The following ATP5PF variants were observed in gnomAD, a reference collection of about 807,000 sequenced individuals.
ATP5PF encodes the protein ATP synthase peripheral stalk subunit F6, mitochondrial.
In ATP5PF, 7 loss-of-function variants were observed where a neutral mutation model predicts 12.0. That is an observed-to-expected ratio of 0.58 (90% CI 0.33 to 1.10). The LOEUF is 1.10. Ranked by LOEUF, ATP5PF falls within the 50% of genes least tolerant of loss-of-function variation. The pLI, the probability that ATP5PF is intolerant of heterozygous loss-of-function variation, is 0.03. For missense variants in ATP5PF, 120 were observed against 127.7 expected (o/e 0.94, Z 0.29); for synonymous variants, 41 against 45.4 (o/e 0.90, Z 0.39).
upstream of ATP5PF, chr21:25,735,185 G>C (rs1165219004): frequency 1.7e-6 from 1 of 602,844 alleles, no homozygotes; most frequent in Non-Finnish European, 3.0e-6. Context: ...TCTTTGAGTG[G>C]CCTTTCCCCT....
At position 25,729,862 on chromosome 21, in the gene ATP5PF, T is replaced by C. The variant is rs73897043; in HGVS notation, c.-7-61A>G. The C allele has an allele frequency of 6.8e-3, 10,359 of 1,514,470 alleles. 462 individuals are homozygous for C. In the African/African-American group the frequency reaches 0.11, roughly 16 times the overall value. 93.8% of individuals were successfully genotyped at this position (1,514,470 alleles called of 1,614,324 possible). A position where few individuals can be genotyped will look rare whatever the true frequency, so the allele number is the denominator to read the frequency against. On this transcript the variant is annotated intron_variant, in intron 1 of 3. Transcript: ENST00000284971. ...ACTTATTATAAATCACCTCTAAATA[T>C]ATCATGAGAATCAAATTCTACTAAT...
intron 1 of ATP5PF, chr21:25,734,494 G>T: frequency 1.4e-6 from 1 of 706,284 alleles, no homozygotes; most frequent in Non-Finnish European, 1.8e-6. Flanking sequence ...TTCTGCCTAA[G>T]TAGCCTAGAC....
chr21:25,726,229 T>C (rs888003299), intron 2 of ATP5PF, among the ~76,000 whole-genome samples: 2 of 152,248 alleles, frequency 1.3e-5, no homozygotes, highest in African/African-American at 4.8e-5. Flanking sequence ...CTTTTAAGTT[T>C]CTACCATAGG....
upstream of ATP5PF, chr21:25,734,931 A>G (rs1568933283): frequency 1.3e-6 from 2 of 1,572,262 alleles, no homozygotes; most frequent in East Asian, 2.3e-5. Flanking sequence ...CCGCCCCCAC[A>G]CGCCTACCCG....
At chr21:25,730,364 C>T (rs985388013) in intron 1 of ATP5PF, among the ~76,000 whole-genome samples, 9 of 152,164 alleles carry the variant, frequency 5.9e-5, no homozygotes, top group Non-Finnish European at 1.0e-4. Flanking sequence ...CTGTGCATGA[C>T]AGTGGGGAGG....
At chr21:25,733,964 G>A (rs895517003) in intron 1 of ATP5PF, among the ~76,000 whole-genome samples, 1 of 152,068 alleles carries the variant, frequency 6.6e-6, no homozygotes, top group Non-Finnish European at 1.5e-5. Flanking sequence ...TATTCATCCT[G>A]AGCCCCAAAT....
intron 1 of ATP5PF, among the ~76,000 whole-genome samples, chr21:25,732,109 G>T (rs1024824749): frequency 1.3e-5 from 2 of 152,192 alleles, no homozygotes; most frequent in Admixed American, 1.3e-4. Flanking sequence ...TCAAAATAGG[G>T]TTGGGGGTGG....
chr21:25,725,973 G>A (rs2034608602), intron 2 of ATP5PF, among the ~76,000 whole-genome samples: 1 of 152,182 alleles, frequency 6.6e-6, no homozygotes, highest in East Asian at 1.9e-4. Flanking sequence ...ACAGGCTCTG[G>A]AGTCAAAGAC....
In ATP5PF at chr21:25,725,234, T is replaced by G. The variant is rs1279645287; in HGVS notation, c.281A>C (p.Lys94Thr). The change falls in exon 3 of 4, where the codon AAA (lysine) becomes ACA (threonine). Residue 94 changes from lysine to threonine, a missense_variant. Lys to Thr is a moderately conservative substitution (Grantham distance 78, BLOSUM62 -1). Transcript: ENST00000284971. ...NADMNTFPTF[K>T]FEDPKFEVIE... ...TGATTTATAAGACGTACCTTCAAAT[T>G]TGAAGGTGGGAAATGTATTCATGTC... is the stretch of plus-strand genomic sequence containing the variant. The G allele has an allele frequency of 6.2e-7, 1 of 1,606,104 alleles. No individual in the cohort carries two copies. Among genetic ancestry groups the G allele is most frequent in the Non-Finnish European group, 8.5e-7 (1 of 1,178,284 alleles).
chr21:25,735,622 G>T (rs2123473052), upstream of ATP5PF: 1 of 152,574 alleles, frequency 6.6e-6, no homozygotes, highest in East Asian at 1.9e-4. Flanking sequence ...GGCCCTCGCG[G>T]GCCGGCCTCG....
intron 1 of ATP5PF, among the ~76,000 whole-genome samples, 172 bp from the exon 2 acceptor site, chr21:25,729,973 A>T (rs2034717203): frequency 1.3e-5 from 2 of 152,190 alleles, no homozygotes; most frequent in Admixed American, 1.3e-4. Context: ...CAAGTTTTTT[A>T]GGTCTTAACC....
rs1415291165 is a variant in ATP5PF at position 25,729,675 on chromosome 21, C to T, written c.120G>A (p.Gln40=). ...VAFNKELDPI[Q]KLFVDKIREY... Reference sequence around the variant, plus strand: ...CTCTAATCTTGTCCACAAAGAGTTTCTGTATAGGATCAAGTTCCTTATTAA... The same window carrying T: ...CTCTAATCTTGTCCACAAAGAGTTTTTGTATAGGATCAAGTTCCTTATTAA... Residue 40 remains glutamine, a synonymous_variant, in exon 2 of 4, where the codon CAG becomes CAA. Coordinates refer to ENST00000284971, the MANE Select transcript of ATP5PF (RefSeq NM_001003703.2). 6.8e-6 allele frequency: 11 copies of T among 1,608,550 alleles called. No homozygotes were observed. The highest frequency in any genetic ancestry group is 4.2e-6 in the Non-Finnish European group (5 of 1,177,346).
At chr21:25,734,979 C>G, upstream of ATP5PF, 2 of 1,560,330 alleles carry the variant, frequency 1.3e-6, no homozygotes, top group Non-Finnish European at 1.7e-6. Context: ...TTCAGTCGGT[C>G]GACGCTCACC....
At chr21:25,734,600 C>T (rs2123465771) in intron 1 of ATP5PF, 1 of 424,050 alleles carries the variant, frequency 2.4e-6, no homozygotes, top group South Asian at 4.9e-5. Context: ...CCGAGACCCC[C>T]GGGCCTCCCT....
At chr21:25,734,804 G>T (rs2034956288) in intron 1 of ATP5PF, 49 bp downstream of exon 1, 1 of 1,509,232 alleles carries the variant, frequency 6.6e-7, no homozygotes, top group African/African-American at 1.4e-5. Context: ...AAAAAACCCA[G>T]AACTGGAGTC....
intron 1 of ATP5PF, 128 bp downstream of exon 1, chr21:25,734,725 G>A: frequency 4.2e-6 from 4 of 958,892 alleles, no homozygotes; most frequent in South Asian, 1.7e-5. Flanking sequence ...GGGCCAGGCC[G>A]TGAAGGTCCC....
rs563116179 is a variant in ATP5PF, at chr21:25,727,729, ATACTC to A, written c.164+1897_164+1901del. Among the ~76,000 whole-genome samples the A allele has an allele frequency of 8.5e-5, 13 of 152,346 alleles. No individual in the cohort carries two copies. In the South Asian group the frequency reaches 2.7e-3, roughly 32 times the overall value. ...AGTTAAAATGATGCAAACAGCATCAATACTCTAATATAACACCACATTTGGACAGA... is the reference window on the plus strand; with the variant it reads ...AGTTAAAATGATGCAAACAGCATCAATAATATAACACCACATTTGGACAGA... On this transcript the variant is annotated intron_variant, in intron 2 of 3. Transcript: ENST00000284971.
chr21:25,727,682 T>A (rs2034653411), intron 2 of ATP5PF, among the ~76,000 whole-genome samples: 1 of 152,196 alleles, frequency 6.6e-6, no homozygotes, highest in African/African-American at 2.4e-5. Flanking sequence ...ATTCACTTCT[T>A]ACTAGATAGG....
intron 2 of ATP5PF, among the ~76,000 whole-genome samples, chr21:25,728,886 G>T (rs1568929295): frequency 6.6e-6 from 1 of 152,134 alleles, no homozygotes; most frequent in African/African-American, 2.4e-5. Context: ...TAAGAATATT[G>T]TAAAAATGCC....
Sources: gnomAD v4.1 joint callset for allele counts (sites outside exome capture counted in the v4.1 genomes callset) on GRCh38, gnomAD v4.1.1 for gene constraint, MANE v1.5 for transcripts, NCBI Gene and HGNC (gene_info 2026-07-23, HGNC 2026-07-21) for gene names.